Variants in CEP112 observed in about 807,000 individuals in gnomAD.
CEP112 encodes centrosomal protein of 112 kDa.
Under a neutral mutation model 153.0 loss-of-function variants are expected in CEP112, and 127 were observed. The ratio of observed to expected loss-of-function variants is 0.83; its 90% CI spans 0.72 to 0.96. CEP112 has a LOEUF of 0.96. CEP112 is among the 40% of genes least tolerant of loss of function. The pLI is 0.00. For missense variants in CEP112, 1,089 were observed against 1,101.2 expected, an observed-to-expected ratio of 0.99 and a Z score of 0.16; for synonymous variants, 358 against 374.4, an observed-to-expected ratio of 0.96 and a Z score of 0.51.
At chr17:65,890,085 T>C (rs2059411413) in intron 20 of CEP112, among the ~76,000 whole-genome samples, 1 of 152,250 alleles carries the variant, frequency 6.6e-6, no homozygotes, top group African/African-American at 2.4e-5. Flanking sequence ...TAAGTATTTT[T>C]AAAGACAAAA....
intron 23 of CEP112, among the ~76,000 whole-genome samples, chr17:65,705,962 G>A (rs1307491855): frequency 6.6e-6 from 1 of 152,112 alleles, no homozygotes; most frequent in Non-Finnish European, 1.5e-5. Context: ...AGTGTAAAAC[G>A]ACTTGATGTC....
intron 3 of CEP112, 51 bp downstream of exon 3, chr17:66,176,779 C>T (rs187597224): frequency 7.0e-5 from 97 of 1,380,602 alleles, no homozygotes; most frequent in Non-Finnish European, 8.4e-5. Context: ...GATAACTTGA[C>T]GCTTTTTTTT....
At chr17:66,183,114 G>A (rs1009034971) in intron 2 of CEP112, 80 bp downstream of exon 2, 3 of 971,314 alleles carry the variant, frequency 3.1e-6, no homozygotes, top group Non-Finnish European at 3.0e-6. Context: ...TTTCTTCCAT[G>A]TTGATAGTTC....
intron 12 of CEP112, among the ~76,000 whole-genome samples, chr17:66,038,510 A>G (rs1395251920): frequency 1.3e-5 from 2 of 152,224 alleles, no homozygotes; most frequent in Admixed American, 1.3e-4. Flanking sequence ...AATTTTTTAA[A>G]CGGAATAAAA....
intron 18 of CEP112, among the ~76,000 whole-genome samples, chr17:65,928,922 C>G (rs1316687174): frequency 1.3e-5 from 2 of 152,064 alleles, no homozygotes; most frequent in African/African-American, 4.8e-5. Flanking sequence ...CATGGATGAG[C>G]CTTGACAGCA....
chr17:66,045,132 G>A (rs996432823), intron 12 of CEP112, among the ~76,000 whole-genome samples: 1 of 152,036 alleles, frequency 6.6e-6, no homozygotes, highest in Admixed American at 6.6e-5. Context: ...GTGCAGTGGT[G>A]TGATTATAGC....
intron 20 of CEP112, among the ~76,000 whole-genome samples, chr17:65,898,288 G>A: frequency 6.6e-6 from 1 of 152,056 alleles, no homozygotes; most frequent in East Asian, 1.9e-4. Context: ...TTTAAAGAAT[G>A]ATAGCCAATG....
In CEP112 at chr17:65,641,052, CGTAT is replaced by C. The variant is rs1567797322; in HGVS notation, c.2707_2710del (p.Ile903AspfsTer8). ...TTTCAATTTTGTTTCATATTCTTGT[CGTAT>C]GTAAGTTATCTAAATTGGAAAAAAA... is the stretch of plus-strand genomic sequence containing the variant. On this transcript the variant is annotated frameshift_variant, in exon 25 of 27. Coordinates refer to ENST00000535342, the MANE Select transcript of CEP112 (RefSeq NM_001199165.4). LOFTEE classifies it high-confidence loss of function. The C allele has an allele frequency of 1.3e-6, 2 of 1,594,006 alleles. No homozygotes were observed. Among genetic ancestry groups the C allele is most frequent in the Non-Finnish European group, 1.7e-6 (2 of 1,162,294 alleles).
At chr17:66,011,285 C>A (rs538035369) in intron 16 of CEP112, among the ~76,000 whole-genome samples, 21 of 152,142 alleles carry the variant, frequency 1.4e-4, no homozygotes, top group African/African-American at 4.8e-4. Flanking sequence ...TTGGTTTGCT[C>A]ATTTCTCTGG....
intron 4 of CEP112, among the ~76,000 whole-genome samples, chr17:66,173,172 G>GA (rs989857277): frequency 2.6e-5 from 4 of 151,732 alleles, no homozygotes; most frequent in South Asian, 2.1e-4. Flanking sequence ...ACTTAAAGGG[G>GA]AAAAAAAACC....
chr17:65,845,695 A>C (rs893504177), intron 21 of CEP112, among the ~76,000 whole-genome samples: 1 of 152,230 alleles, frequency 6.6e-6, no homozygotes, highest in African/African-American at 2.4e-5. Flanking sequence ...AAAATTACAC[A>C]CTATCATCAC....
chr17:65,951,299 A>G (rs894972745), intron 18 of CEP112, among the ~76,000 whole-genome samples: 2 of 152,216 alleles, frequency 1.3e-5, no homozygotes, highest in African/African-American at 2.4e-5. Flanking sequence ...GAGTTTTCAA[A>G]GAATTAAAAT....
chr17:65,972,492 AAC>A (rs2062878470), intron 17 of CEP112, among the ~76,000 whole-genome samples: 1 of 152,206 alleles, frequency 6.6e-6, no homozygotes, highest in Non-Finnish European at 1.5e-5. Flanking sequence ...AGAACAGTAA[AAC>A]ACAAAATAAG....
chr17:65,976,600 T>A (rs1001222513), intron 17 of CEP112, among the ~76,000 whole-genome samples: 14 of 152,274 alleles, frequency 9.2e-5, no homozygotes, highest in Middle Eastern at 3.4e-3. Flanking sequence ...GAATTTGTGA[T>A]AATTTTGACA....
intron 6 of CEP112, among the ~76,000 whole-genome samples, chr17:66,116,956 T>G (rs2069327517): frequency 6.8e-6 from 1 of 146,728 alleles, no homozygotes; most frequent in South Asian, 2.2e-4. Context: ...AACCTCCGCC[T>G]CCTGGGTTCA....
chr17:66,091,144 A>T (rs1465375928), intron 8 of CEP112, among the ~76,000 whole-genome samples: 1 of 152,150 alleles, frequency 6.6e-6, no homozygotes, highest in Admixed American at 6.5e-5. Flanking sequence ...GAAAATTAAT[A>T]AGGAAACATC....
chr17:65,703,473 TG>T (rs2144619880), intron 23 of CEP112, among the ~76,000 whole-genome samples: 1 of 143,540 alleles, frequency 7.0e-6, no homozygotes, highest in Non-Finnish European at 1.5e-5. Context: ...ATTGTGCCAC[TG>T]CACTCCAGAA....
intron 21 of CEP112, among the ~76,000 whole-genome samples, chr17:65,814,921 T>C (rs1238301462): frequency 1.1e-4 from 17 of 152,144 alleles, no homozygotes. Context: ...TTATATATGC[T>C]GTATAAAAAT....
chr17:65,636,634 CAG>C (rs2044786609), intron 26 of CEP112: 2 of 150,544 alleles, frequency 1.3e-5, no homozygotes, highest in African/African-American at 5.1e-5. Context: ...TTTTTGGAGA[CAG>C]AGTCTTACTC....
Sources: gnomAD v4.1 joint callset for allele counts (sites outside exome capture counted in the v4.1 genomes callset) on GRCh38, gnomAD v4.1.1 for gene constraint, MANE v1.5 for transcripts, NCBI Gene and HGNC (gene_info 2026-07-23, HGNC 2026-07-21) for gene names.